Variants in SPTBN1 observed in about 807,000 individuals in gnomAD.
The protein encoded by SPTBN1 is spectrin beta, non-erythrocytic 1.
A neutral mutation model predicts 266.4 loss-of-function variants in SPTBN1; 32 were observed. The ratio of observed to expected loss-of-function variants is 0.12; its 90% CI spans 0.09 to 0.16. The LOEUF (loss-of-function observed/expected upper bound fraction) is 0.16. Ranked by LOEUF, SPTBN1 falls within the 10% of genes least tolerant of loss-of-function variation. The pLI, the probability that SPTBN1 is intolerant of heterozygous loss-of-function variation, is 1.00. For synonymous variants in SPTBN1, 1,336 were observed against 1,162.2 expected, an observed-to-expected ratio of 1.15 and a Z score of -3.04; for missense variants, 2,296 against 3,067.1, an observed-to-expected ratio of 0.75 and a Z score of 5.94.
intron 18 of SPTBN1, among the ~76,000 whole-genome samples, chr2:54,638,538 A>T (rs909768294): frequency 3.3e-5 from 5 of 152,220 alleles, no homozygotes; most frequent in Admixed American, 6.5e-5. Flanking sequence ...GTACTATTTC[A>T]TGCTCTTCTG....
chr2:54,481,076 G>A (rs746937569), intron 1 of SPTBN1, among the ~76,000 whole-genome samples: 37 of 152,062 alleles, frequency 2.4e-4, no homozygotes, highest in African/African-American at 2.2e-4. Flanking sequence ...GGGAAGCTGA[G>A]GTGGGAGGAT....
At chr2:54,482,553 C>G (rs2103945291) in intron 1 of SPTBN1, among the ~76,000 whole-genome samples, 1 of 152,198 alleles carries the variant, frequency 6.6e-6, no homozygotes, top group South Asian at 2.1e-4. Flanking sequence ...TGTCTCTGGC[C>G]TGTGCTGTCC....
chr2:54,591,492 G>A (rs1430604765), intron 2 of SPTBN1, among the ~76,000 whole-genome samples: 1 of 152,184 alleles, frequency 6.6e-6, no homozygotes, highest in African/African-American at 2.4e-5. Flanking sequence ...ATATTACTGG[G>A]TTATACGTGC....
rs1050452590 is a variant in SPTBN1 at position 54,628,880 on chromosome 2, C to T, written c.1799-53C>T. On this transcript the variant is annotated intron_variant, in intron 13 of 35. Coordinates refer to ENST00000356805, the MANE Select transcript of SPTBN1 (RefSeq NM_003128.3). This position sits in a 1 kb window ranked among gnomAD's most constrained non-coding sequence, Gnocchi z 4.3. ...AGCTTACTGCCTGCCAGTGAGCCTG[C>T]ACCCATGCTGAGCTCCCTCACACAG... is the stretch of plus-strand genomic sequence containing the variant. The T allele has an allele frequency of 5.9e-6, 9 of 1,530,000 alleles. No individual in the cohort carries two copies. Among genetic ancestry groups the T allele is most frequent in the South Asian group, 1.3e-5 (1 of 76,664 alleles). 94.8% of individuals were successfully genotyped at this position (1,530,000 alleles called of 1,614,324 possible). A position where few individuals can be genotyped will look rare whatever the true frequency, so the allele number is the denominator to read the frequency against.
chr2:54,470,308 CTTAA>C lies in SPTBN1; in HGVS notation c.-48+13794_-48+13797del, dbSNP rs1182060110. On this transcript the variant is annotated intron_variant, in intron 1 of 35. Transcript: ENST00000356805. ...TACATGTGTACATGCATTTTTTATT[CTTAA>C]TTATAGTATGTATTTTCACTGGACT... 4.6e-5 allele frequency among the ~76,000 whole-genome samples: 7 copies of C among 152,078 alleles called. No individual in the cohort carries two copies. The East Asian group carries it at 1.2e-3, about 25-fold the overall frequency.
chr2:54,611,643 T>A (rs79649050), intron 3 of SPTBN1, among the ~76,000 whole-genome samples: 1 of 152,318 alleles, frequency 6.6e-6, no homozygotes, highest in African/African-American at 2.4e-5. Context: ...TATACTTCTT[T>A]ACTTAACCTT....
chr2:54,612,473 T>C (rs954084762), intron 4 of SPTBN1, 139 bp downstream of exon 4: 97 of 998,488 alleles, frequency 9.7e-5, no homozygotes, highest in Non-Finnish European at 1.3e-4. Context: ...GTGTGTCATA[T>C]CCAGCCCTCA....
chr2:54,572,208 CT>C (rs887486782), intron 2 of SPTBN1, among the ~76,000 whole-genome samples: 23 of 152,272 alleles, frequency 1.5e-4, no homozygotes, highest in Non-Finnish European at 2.8e-4. Context: ...ATCACATTGT[CT>C]TTTTCCCCCC....
At chr2:54,485,128 A>G (rs1216010709) in intron 1 of SPTBN1, among the ~76,000 whole-genome samples, 1 of 119,638 alleles carries the variant, frequency 8.4e-6, no homozygotes, top group Non-Finnish European at 1.9e-5. Flanking sequence ...GAAAAAATAA[A>G]ATATTGAAAA....
chr2:54,534,547 C>G (rs1671480151), intron 2 of SPTBN1, among the ~76,000 whole-genome samples: 1 of 152,214 alleles, frequency 6.6e-6, no homozygotes, highest in South Asian at 2.1e-4. Flanking sequence ...TTATTTTTCA[C>G]ATATAAATGG....
Position 54,632,595 on chromosome 2 carries a change from T to C in SPTBN1, c.3594T>C (p.Pro1198=). 1.2e-6 allele frequency: 2 copies of C among 1,614,214 alleles called. No homozygotes were observed. Among genetic ancestry groups the C allele is most frequent in the Non-Finnish European group, 1.7e-6 (2 of 1,180,038 alleles). Residue 1198 remains proline, a synonymous_variant, in exon 17 of 36, where the codon CCT becomes CCC. Coordinates refer to ENST00000356805, the MANE Select transcript of SPTBN1 (RefSeq NM_003128.3). The stretch of plus-strand genomic sequence containing the variant: ...ATGTTCTGGCTCACACTGAAATGCC[T>C]ACCACCTTGGAAGGAGCTGAAGCAG... The part of the protein sequence containing the change: ...QEYVLAHTEM[P]TTLEGAEAAI...
At chr2:54,477,802 T>TCAGC (rs1275328886) in intron 1 of SPTBN1, among the ~76,000 whole-genome samples, 54 of 152,112 alleles carry the variant, frequency 3.6e-4, no homozygotes, top group Non-Finnish European at 5.3e-4. Context: ...TCCCAGCTAC[T>TCAGC]CAGGAGGCTG....
Position 54,618,201 on chromosome 2 carries a change from C to G in SPTBN1, c.763+8C>G, listed in dbSNP as rs769131389. On this transcript the variant is annotated splice_region_variant and intron_variant, in intron 7 of 35. Coordinates refer to ENST00000356805, the MANE Select transcript of SPTBN1 (RefSeq NM_003128.3). ...AACTGTTGGACCCCGAAGGTAGGGA[C>G]TCAAGGGATTACAGGTGGGATTTTT... The G allele has an allele frequency of 6.2e-7, 1 of 1,610,936 alleles. No individual in the cohort carries two copies. The highest frequency in any genetic ancestry group is 1.1e-5 in the South Asian group (1 of 91,018).
chr2:54,487,979 G>GCCA (rs938772413), intron 1 of SPTBN1, among the ~76,000 whole-genome samples: 25 of 151,710 alleles, frequency 1.6e-4, no homozygotes, highest in Non-Finnish European at 2.8e-4. Context: ...ATAGGCGCCT[G>GCCA]CCACCACACC....
In SPTBN1 at chr2:54,554,560, A is replaced by C. The variant is rs572814241; in HGVS notation, c.148+27994A>C. Among the ~76,000 whole-genome samples the C allele has an allele frequency of 6.6e-6, 1 of 152,214 alleles. No homozygotes were observed. Among genetic ancestry groups the C allele is most frequent in the Non-Finnish European group, 1.5e-5 (1 of 68,032 alleles). ...ATCACTAATACATTTAATACTAAAC[A>C]TTCCAGAAGGAATTTTTTATGACCA... On this transcript the variant is annotated intron_variant, in intron 2 of 35. Coordinates refer to ENST00000356805, the MANE Select transcript of SPTBN1 (RefSeq NM_003128.3). The surrounding 1 kb of genome is among the most constrained non-coding windows in gnomAD (Gnocchi z 4.5).
intron 2 of SPTBN1, among the ~76,000 whole-genome samples, chr2:54,562,264 CTCA>C (rs776134540): frequency 5.9e-5 from 9 of 152,360 alleles, no homozygotes; most frequent in Non-Finnish European, 1.2e-4. Context: ...TGAGAGAACA[CTCA>C]TCATGCCACT....
At position 54,624,863 on chromosome 2, in the gene SPTBN1, C is replaced by T. The variant is rs756836467; in HGVS notation, c.1242C>T (p.Leu414=). 2 of 1,614,164 alleles carry T rather than the reference C, an allele frequency of 1.2e-6. No individual in the cohort carries two copies. Among genetic ancestry groups the T allele is most frequent in the Non-Finnish European group, 8.5e-7 (1 of 1,180,024 alleles). Residue 414 remains leucine (L), a synonymous_variant, in exon 11 of 36, where the codon CTC becomes CTT. Coordinates refer to ENST00000356805, the MANE Select transcript of SPTBN1 (RefSeq NM_003128.3). ...GAGAACTGGCTTTGCGGAATGAGCT[C>T]ATAAGACAGGAGAAACTGGAACAGC... ...HERELALRNE[L]IRQEKLEQLA...
intron 1 of SPTBN1, among the ~76,000 whole-genome samples, chr2:54,506,892 C>A (rs377733641): frequency 1.2e-4 from 1 of 8,344 alleles, no homozygotes. Flanking sequence ...CTGGTTCTCT[C>A]TCTTTTTTTT....
chr2:54,538,469 A>T (rs574487518), intron 2 of SPTBN1, among the ~76,000 whole-genome samples: 32 of 152,366 alleles, frequency 2.1e-4, no homozygotes, highest in Non-Finnish European at 4.1e-4. Flanking sequence ...TGGGGAATAG[A>T]CAATGTGTAT....
Sources: gnomAD v4.1 joint callset for allele counts (sites outside exome capture counted in the v4.1 genomes callset) on GRCh38, gnomAD v4.1.1 for gene constraint, Gnocchi (gnomAD v3.1) non-coding constraint, MANE v1.5 for transcripts, NCBI Gene and HGNC (gene_info 2026-07-23, HGNC 2026-07-21) for gene names.